The following INVS variants were observed in gnomAD, a reference collection of about 807,000 sequenced individuals.
The protein encoded by INVS is inversin, also known as inversion of embryo turning homolog.
In INVS, 86 loss-of-function variants were observed where a neutral mutation model predicts 108.8. The ratio of observed to expected loss-of-function variants is 0.79; its 90% CI spans 0.66 to 0.95. The LOEUF (loss-of-function observed/expected upper bound fraction) is 0.95. INVS is among the 40% of genes least tolerant of loss of function. The pLI, the probability that INVS is intolerant of heterozygous loss-of-function variation, is 0.00. For synonymous variants in INVS, 455 were observed against 473.5 expected (o/e 0.96, Z 0.51); for missense variants, 1,169 against 1,297.4 (o/e 0.90, Z 1.52).
chr9:100,301,346 C>T lies in INVS; in HGVS notation c.*672C>T, dbSNP rs1833965006. Reference sequence around the variant, plus strand: ...GCCTCTCAAGGCCACAAGTTGCCGCCACGTCTTCACTGAATGGCTTTCTCA... The same window carrying T: ...GCCTCTCAAGGCCACAAGTTGCCGCTACGTCTTCACTGAATGGCTTTCTCA... On this transcript the variant is annotated 3_prime_UTR_variant, in exon 17 of 17. Transcript: ENST00000262457. Among the ~76,000 whole-genome samples the T allele has an allele frequency of 6.6e-6, 1 of 152,148 alleles. No individual in the cohort carries two copies. The highest frequency in any genetic ancestry group is 1.5e-5 in the Non-Finnish European group (1 of 68,042).
rs1833942251 is a variant in INVS at position 100,300,722 on chromosome 9, C to T, written c.*48C>T. On this transcript the variant is annotated 3_prime_UTR_variant, in exon 17 of 17. Coordinates refer to ENST00000262457, the MANE Select transcript of INVS (RefSeq NM_014425.5). ...TTCGGGGGAGCTGGCATAGCTAGTGCAGAGTTCAGATTTTCTGCTGATAAT... is the reference window on the plus strand; with the variant it reads ...TTCGGGGGAGCTGGCATAGCTAGTGTAGAGTTCAGATTTTCTGCTGATAAT... The T allele has an allele frequency of 4.6e-6, 6 of 1,294,656 alleles. No individual in the cohort carries two copies. In the East Asian group the frequency reaches 1.4e-4, roughly 30 times the overall value. The allele number at this position is 1,294,656 out of a possible 1,614,324, so 80.2% of individuals were successfully genotyped here.
chr9:100,176,499 C>T (rs1013647791), intron 3 of INVS, among the ~76,000 whole-genome samples: 18 of 151,990 alleles, frequency 1.2e-4, no homozygotes, highest in South Asian at 6.2e-4. Flanking sequence ...TATTTAGAGA[C>T]GGAGTCTCGC....
chr9:100,251,022 G>T (rs1832216204), intron 8 of INVS, among the ~76,000 whole-genome samples: 1 of 152,082 alleles, frequency 6.6e-6, no homozygotes, highest in Non-Finnish European at 1.5e-5. Context: ...CATGGTTCAG[G>T]TCTCAACTTA....
At chr9:100,192,248 A>AGTGT (rs58132596) in intron 3 of INVS, among the ~76,000 whole-genome samples, 28,143 of 144,828 alleles carry the variant, frequency 0.19, 2,909 homozygotes, top group Non-Finnish European at 0.24. Flanking sequence ...GGGAAAAAAG[A>AGTGT]GTGTGTGTGT....
chr9:100,147,475 C>T (rs1181794643), intron 3 of INVS, among the ~76,000 whole-genome samples: 3 of 152,104 alleles, frequency 2.0e-5, no homozygotes, highest in Non-Finnish European at 2.9e-5. Context: ...TATTTTTTCT[C>T]ACCTATTGCC....
At chr9:100,236,029 A>G (rs1024017086) in intron 5 of INVS, among the ~76,000 whole-genome samples, 15 of 152,106 alleles carry the variant, frequency 9.9e-5, no homozygotes, top group Non-Finnish European at 2.1e-4. Flanking sequence ...AAATAGTCCC[A>G]TATTTCTTGG....
chr9:100,252,456 C>T lies in INVS; in HGVS notation c.1234+18C>T, dbSNP rs750852175. ...CATTAAAGGTGGGCTAATAAGAGTACTCCTAATAAGTCTCTCTTAACAGGT... is the reference window on the plus strand; with the variant it reads ...CATTAAAGGTGGGCTAATAAGAGTATTCCTAATAAGTCTCTCTTAACAGGT... On this transcript the variant is annotated intron_variant, in intron 9 of 16. Coordinates refer to ENST00000262457, the MANE Select transcript of INVS (RefSeq NM_014425.5). 12 of 1,608,980 alleles carry T rather than the reference C, an allele frequency of 7.5e-6. No homozygotes were observed. In the African/African-American group the frequency reaches 8.0e-5, roughly 11 times the overall value.
chr9:100,219,532 G>GGA (rs1831081986), intron 3 of INVS, among the ~76,000 whole-genome samples: 1 of 152,144 alleles, frequency 6.6e-6, no homozygotes, highest in Non-Finnish European at 1.5e-5. Flanking sequence ...TGGAGAAACA[G>GGA]GAACTCATAC....
At chr9:100,214,544 A>G (rs1038174750) in intron 3 of INVS, among the ~76,000 whole-genome samples, 4 of 152,238 alleles carry the variant, frequency 2.6e-5, no homozygotes, top group African/African-American at 9.6e-5. Context: ...GTTGCCATGC[A>G]TGGCATAATC....
intron 3 of INVS, among the ~76,000 whole-genome samples, chr9:100,191,145 ACTGGGTCCAG>A (rs1830208347): frequency 6.6e-6 from 1 of 152,140 alleles, no homozygotes; most frequent in South Asian, 2.1e-4. Flanking sequence ...GGCATTAGCT[ACTGGGTCCAG>A]CTGGTGATAT....
intron 10 of INVS, among the ~76,000 whole-genome samples, chr9:100,263,341 G>C (rs1039320393): frequency 6.6e-6 from 1 of 152,120 alleles, no homozygotes; most frequent in African/African-American, 2.4e-5. Flanking sequence ...GCCTTACTGG[G>C]TTAAAAATCA....
Position 100,253,107 on chromosome 9 carries a change from A to G in INVS, c.1435A>G (p.Asn479Asp). Reference sequence around the variant, plus strand: ...CTGCATGGCAGTTCTCATGGAAAACAATGCAGACCCTAACATTCAAGACAA... The same window carrying G: ...CTGCATGGCAGTTCTCATGGAAAACGATGCAGACCCTAACATTCAAGACAA... ...INCMAVLMEN[N>D]ADPNIQDKEG... The change falls in exon 10 of 17, where the codon AAT (asparagine) becomes GAT (aspartate). Residue 479 changes from asparagine (N) to aspartate (D), a missense_variant. Around this residue, in one of 3 missense-constraint regions of INVS, gnomAD observed 271 missense variants for 363.8 expected, o/e 0.74. Coordinates refer to ENST00000262457, the MANE Select transcript of INVS (RefSeq NM_014425.5). 6 of 1,613,674 alleles carry G rather than the reference A, an allele frequency of 3.7e-6. No homozygotes were observed. The highest frequency in any genetic ancestry group is 5.1e-6 in the Non-Finnish European group (6 of 1,179,662).
Position 100,264,811 on chromosome 9 carries a change from TA to T in INVS, c.1465-10del, listed in dbSNP as rs1229903575. On this transcript the variant is annotated splice_polypyrimidine_tract_variant and intron_variant, in intron 10 of 16. Coordinates refer to ENST00000262457, the MANE Select transcript of INVS (RefSeq NM_014425.5). Reference sequence around the variant, plus strand: ...ACTCCAGATGTACTTGATTTTTGTTTATGCTTATAGGGAAGAACAGCTTTGC... The same window carrying T: ...ACTCCAGATGTACTTGATTTTTGTTTTGCTTATAGGGAAGAACAGCTTTGC... 1 of 1,592,308 alleles carries T rather than the reference TA, an allele frequency of 6.3e-7. No homozygotes were observed. Among genetic ancestry groups the T allele is most frequent in the African/African-American group, 1.3e-5 (1 of 74,646 alleles).
intron 3 of INVS, among the ~76,000 whole-genome samples, chr9:100,209,567 G>A (rs967636532): frequency 2.6e-5 from 4 of 151,960 alleles, no homozygotes; most frequent in Non-Finnish European, 5.9e-5. Context: ...TCAGGAGATC[G>A]AGACCATCCT....
At chr9:100,171,986 A>G (rs1014404586) in intron 3 of INVS, among the ~76,000 whole-genome samples, 3 of 152,134 alleles carry the variant, frequency 2.0e-5, no homozygotes, top group African/African-American at 7.2e-5. Flanking sequence ...TTAGGTTCTT[A>G]CAGGAGTTAA....
chr9:100,213,709 C>T (rs1019968447), intron 3 of INVS, among the ~76,000 whole-genome samples: 5 of 152,150 alleles, frequency 3.3e-5, no homozygotes, highest in Non-Finnish European at 7.3e-5. Context: ...GCTTCCCTTG[C>T]CCCCAGAGAA....
rs1833992664 is a variant in INVS, at chr9:100,302,086, CT to C, written c.*1415del. The C allele has an allele frequency of 1.5e-6, 1 of 672,554 alleles. No individual in the cohort carries two copies. The highest frequency in any genetic ancestry group is 2.4e-6 in the Non-Finnish European group (1 of 417,820). The allele number at this position is 672,554 out of a possible 1,614,324, so 41.7% of individuals were successfully genotyped here. A position where few individuals can be genotyped will look rare whatever the true frequency, so the allele number is the denominator to read the frequency against. ...GCAAAGAAAGAAGGTTCGTAAACTT[CT>C]TTAAAAGTTCAGCTTTAATGACAAA... On this transcript the variant is annotated 3_prime_UTR_variant, in exon 17 of 17. Coordinates refer to ENST00000262457, the MANE Select transcript of INVS (RefSeq NM_014425.5).
At chr9:100,292,178 ATAGAAGT>A in intron 13 of INVS, 141 bp from the exon 14 acceptor site, 1 of 748,638 alleles carries the variant, frequency 1.3e-6, no homozygotes, top group Admixed American at 2.0e-5. Context: ...ATTGCTGGAA[ATAGAAGT>A]TAAACCGTTT....
intron 12 of INVS, among the ~76,000 whole-genome samples, chr9:100,275,199 T>G (rs1833077465): frequency 6.6e-6 from 1 of 152,226 alleles, no homozygotes; most frequent in African/African-American, 2.4e-5. Context: ...CTTATAAAAG[T>G]TCTCTGCATG....
Sources: gnomAD v4.1 joint callset for allele counts (sites outside exome capture counted in the v4.1 genomes callset) on GRCh38, gnomAD v4.1.1 for gene constraint, gnomAD v4.1.1 regional missense constraint, MANE v1.5 for transcripts, NCBI Gene and HGNC (gene_info 2026-07-23, HGNC 2026-07-21) for gene names.